MYBPC1: variants seen among roughly 807,000 people sequenced by gnomAD.
MYBPC1 encodes myosin-binding protein C, slow-type.
A neutral mutation model predicts 147.1 loss-of-function variants in MYBPC1; 52 were observed. The observed-to-expected ratio is 0.35, with a 90% CI of 0.28 to 0.45. MYBPC1 has a LOEUF of 0.45. MYBPC1 is among the 20% of genes least tolerant of loss of function. MYBPC1 has a pLI of 1.00. For synonymous variants in MYBPC1, 477 were observed against 475.9 expected, an observed-to-expected ratio of 1.00 and a Z score of -0.03; for missense variants, 1,228 against 1,440.3, an observed-to-expected ratio of 0.85 and a Z score of 2.39.
chr12:101,599,802 C>T (rs6538998), intron 1 of MYBPC1, among the ~76,000 whole-genome samples: 58,244 of 151,980 alleles, frequency 0.38, 13,789 homozygotes, highest in African/African-American at 0.67. Context: ...GTTGTATGAA[C>T]GAATGCCATC....
chr12:101,678,306 A>G, intron 28 of MYBPC1, 68 bp downstream of exon 28: 6 of 1,585,846 alleles, frequency 3.8e-6, no homozygotes, highest in Non-Finnish European at 1.7e-6. Flanking sequence ...AATGTAAGTA[A>G]CAATGTAAAC....
chr12:101,688,649 G>T (rs1168983002), downstream of MYBPC1, among the ~76,000 whole-genome samples: 1 of 152,114 alleles, frequency 6.6e-6, no homozygotes, highest in Non-Finnish European at 1.5e-5. Context: ...AATGGATTTA[G>T]CTTGCAACTT....
intron 30 of MYBPC1, among the ~76,000 whole-genome samples, 189 bp from the exon 31 acceptor site, chr12:101,684,193 C>G (rs575551482): frequency 6.6e-6 from 1 of 152,120 alleles, no homozygotes; most frequent in Non-Finnish European, 1.5e-5. Context: ...ATCCTTTTGA[C>G]GTGACTGGAT....
At chr12:101,642,640 C>A in intron 11 of MYBPC1, 55 bp downstream of exon 11, 3 of 1,557,930 alleles carry the variant, frequency 1.9e-6, no homozygotes, top group Non-Finnish European at 2.6e-6. Context: ...CGTTCGAAAG[C>A]CTTGACCGTG....
At chr12:101,629,298 A>G (rs2136021885) in intron 5 of MYBPC1, 136 bp from the exon 6 acceptor site, 1 of 706,928 alleles carries the variant, frequency 1.4e-6, no homozygotes, top group East Asian at 2.7e-5. Context: ...TGGGGGCAGA[A>G]AGAATGATGT....
intron 29 of MYBPC1, among the ~76,000 whole-genome samples, chr12:101,682,167 G>A (rs1487847527): frequency 6.6e-6 from 1 of 151,512 alleles, no homozygotes; most frequent in African/African-American, 2.4e-5. Context: ...AAGTATTGTT[G>A]ATGCTTTTGT....
downstream of MYBPC1, among the ~76,000 whole-genome samples, chr12:101,689,151 G>T (rs1286132129): frequency 6.6e-6 from 1 of 152,130 alleles, no homozygotes; most frequent in Non-Finnish European, 1.5e-5. Flanking sequence ...TGCTAGGATG[G>T]AGAACAGGAC....
At chr12:101,600,914 A>G (rs80046556) in intron 1 of MYBPC1, among the ~76,000 whole-genome samples, 2,815 of 152,302 alleles carry the variant, frequency 0.018, 86 homozygotes, top group African/African-American at 0.065. Context: ...TGTACCTGAG[A>G]GCATGTGGCC....
chr12:101,642,415 T>C lies in MYBPC1; in HGVS notation c.666-4T>C, dbSNP rs1400084560. 3 of 1,613,666 alleles carry C rather than the reference T, an allele frequency of 1.9e-6. No homozygotes were observed. The highest frequency in any genetic ancestry group is 2.5e-6 in the Non-Finnish European group (3 of 1,179,870). On this transcript the variant is annotated splice_polypyrimidine_tract_variant and splice_region_variant and intron_variant, in intron 10 of 31. Transcript: ENST00000361466. ...TAAACTAGACCATGGTTCTCCCCGG[T>C]TAGGGAGGTGAAGCAGCAGGAGGAA...
rs1032545234 is a variant in MYBPC1 at position 101,615,680 on chromosome 12, C to G, written c.61+1149C>G. On this transcript the variant is annotated intron_variant, in intron 2 of 31. Transcript: ENST00000361466. ...ACCCCCCGCCCCCCCCCCGCCCCCC[C>G]ACACCAAGCAGTATGTGATTACTTG... Among the ~76,000 whole-genome samples the G allele has an allele frequency of 9.3e-5, 11 of 118,390 alleles. No homozygotes were observed. The East Asian group carries it at 3.6e-3, about 39-fold the overall frequency. 77.7% of individuals were successfully genotyped at this position (118,390 alleles called of 152,430 possible).
chr12:101,625,558 G>A (rs1206325156), intron 3 of MYBPC1, among the ~76,000 whole-genome samples: 1 of 152,180 alleles, frequency 6.6e-6, no homozygotes, highest in East Asian at 1.9e-4. Flanking sequence ...CTCTTAATTA[G>A]TTAGTGCAGC....
At chr12:101,678,266 A>G (rs565400010) in intron 28 of MYBPC1, 28 bp downstream of exon 28, 5 of 1,612,158 alleles carry the variant, frequency 3.1e-6, no homozygotes, top group South Asian at 2.2e-5. Flanking sequence ...CACATCAGTT[A>G]AAGTCCCTGT....
chr12:101,680,304 G>A (rs1455839419), intron 28 of MYBPC1, 39 bp from the exon 29 acceptor site: 1 of 1,583,988 alleles, frequency 6.3e-7, no homozygotes, highest in East Asian at 2.3e-5. Flanking sequence ...GCCAATTACA[G>A]ATATGTTTTG....
intron 8 of MYBPC1, among the ~76,000 whole-genome samples, chr12:101,633,913 A>G (rs1890456926): frequency 2.1e-5 from 3 of 143,718 alleles, no homozygotes; most frequent in Admixed American, 6.9e-5. Context: ...TTTTTTTTAG[A>G]CGGAGTCTCG....
At chr12:101,684,476 T>A in intron 31 of MYBPC1, 52 bp downstream of exon 31, 1 of 1,370,748 alleles carries the variant, frequency 7.3e-7, no homozygotes, top group Non-Finnish European at 1.0e-6. Context: ...TCATAAGCCA[T>A]ACCAAGCCTG....
At chr12:101,659,531 A>G (rs1896165361) in intron 18 of MYBPC1, 141 bp from the exon 19 acceptor site, 1 of 854,782 alleles carries the variant, frequency 1.2e-6, no homozygotes, top group Admixed American at 2.0e-5. Flanking sequence ...ATATAGTTAC[A>G]CTATATAGTC....
At chr12:101,674,898 T>C (rs1594053666) in intron 25 of MYBPC1, among the ~76,000 whole-genome samples, 1 of 133,352 alleles carries the variant, frequency 7.5e-6, no homozygotes, top group African/African-American at 3.1e-5. Flanking sequence ...AAGAAAGAAA[T>C]TTAAGAGCAG....
chr12:101,669,148 T>C (rs922652933), intron 23 of MYBPC1, among the ~76,000 whole-genome samples: 3 of 152,110 alleles, frequency 2.0e-5, no homozygotes, highest in Non-Finnish European at 4.4e-5. Context: ...TTGAGTATGT[T>C]TTTTTTCTAG....
At chr12:101,605,221 T>C (rs1385724697) in intron 1 of MYBPC1, among the ~76,000 whole-genome samples, 1 of 152,238 alleles carries the variant, frequency 6.6e-6, no homozygotes, top group East Asian at 1.9e-4. Context: ...TGCCCTTTTG[T>C]CTCTATTATG....
Sources: allele counts gnomAD v4.1 joint callset (sites outside exome capture counted in the v4.1 genomes callset), GRCh38; gene constraint gnomAD v4.1.1; transcripts MANE v1.5; gene names NCBI Gene and HGNC (gene_info 2026-07-23, HGNC 2026-07-21).